Variants in USH2A observed in about 807,000 individuals in gnomAD.
USH2A encodes usherin.
In USH2A, 443 loss-of-function variants were observed where a neutral mutation model predicts 538.9. The ratio of observed to expected loss-of-function variants is 0.82; its 90% confidence interval spans 0.76 to 0.89. USH2A has a LOEUF of 0.89. Among genes scored for constraint, USH2A ranks in the 40% least tolerant of loss-of-function variants. USH2A has a pLI of 0.00. For synonymous variants in USH2A, 2,413 were observed against 2,273.5 expected, an observed-to-expected ratio of 1.06 and a Z score of -1.75; for missense variants, 6,633 against 6,324.8, an observed-to-expected ratio of 1.05 and a Z score of -1.65.
chr1:215,737,918 CAGAA>C (rs1241815491), intron 60 of USH2A, among the ~76,000 whole-genome samples: 2 of 151,984 alleles, frequency 1.3e-5, no homozygotes, highest in African/African-American at 4.8e-5. Context: ...ACTAAATACT[CAGAA>C]GGAAGTGCCA....
At chr1:216,385,128 C>T (rs555597999) in intron 3 of USH2A, among the ~76,000 whole-genome samples, 17 of 152,230 alleles carry the variant, frequency 1.1e-4, no homozygotes, top group African/African-American at 3.6e-4. Context: ...AGGTACACAA[C>T]AACTTAACAT....
At chr1:215,694,991 A>G (rs1014187011) in intron 61 of USH2A, among the ~76,000 whole-genome samples, 1 of 152,244 alleles carries the variant, frequency 6.6e-6, no homozygotes, top group African/African-American at 2.4e-5. Context: ...TGTAGTGGTA[A>G]TCCTAGGCAA....
At chr1:215,935,872 A>G (rs1666479590) in intron 37 of USH2A, among the ~76,000 whole-genome samples, 1 of 151,896 alleles carries the variant, frequency 6.6e-6, no homozygotes, top group South Asian at 2.1e-4. Context: ...CTCATCTCTA[A>G]AAACAAAAAA....
In USH2A at chr1:216,231,993, A is replaced by T; in HGVS notation, c.2953T>A (p.Cys985Ser). The T allele has an allele frequency of 1.2e-6, 2 of 1,614,054 alleles. No homozygotes were observed. Among genetic ancestry groups the T allele is most frequent in the Admixed American group, 1.7e-5 (1 of 60,014 alleles). ...TCAAATCCAAAGTAATGGTCTTTGC[A>T]TTGGTCACAACGTTGCCCAGCAATG... ...ASIAGQRCDQ[C>S]KDHYFGFDPQ... is the part of the protein sequence containing the mutation. The change falls in exon 14 of 72, where the codon TGC becomes AGC. Residue 985 changes from cysteine to serine, a missense_variant. Physicochemically the swap from Cys to Ser is moderately radical, Grantham distance 112. Transcript: ENST00000307340.
intron 68 of USH2A, 105 bp downstream of exon 68, chr1:215,640,453 A>G: frequency 1.2e-5 from 17 of 1,470,368 alleles, no homozygotes; most frequent in Non-Finnish European, 1.6e-5. Flanking sequence ...TTAAACCAAG[A>G]CATTTTAATG....
At chr1:215,714,958 C>A in intron 61 of USH2A, among the ~76,000 whole-genome samples, 1 of 152,100 alleles carries the variant, frequency 6.6e-6, no homozygotes, top group Non-Finnish European at 1.5e-5. Flanking sequence ...TATCATGCCC[C>A]AAATAGGGAT....
chr1:216,146,717 C>G (rs1263947226), intron 21 of USH2A, among the ~76,000 whole-genome samples: 3 of 152,058 alleles, frequency 2.0e-5, no homozygotes, highest in Non-Finnish European at 4.4e-5. Flanking sequence ...CCAACCCCCT[C>G]TCTGCTTTTC....
At chr1:216,167,941 A>G (rs192359322) in intron 21 of USH2A, among the ~76,000 whole-genome samples, 340 of 152,216 alleles carry the variant, frequency 2.2e-3, no homozygotes, top group African/African-American at 7.7e-3. Flanking sequence ...TTTGAAAGAG[A>G]TGGCATTTTG....
At chr1:215,977,702 G>A (rs374591115) in intron 35 of USH2A, among the ~76,000 whole-genome samples, 25 of 151,992 alleles carry the variant, frequency 1.6e-4, no homozygotes, top group African/African-American at 5.3e-4. Flanking sequence ...CAGTAGAGAC[G>A]GGATTTCACT....
chr1:216,403,936 C>T (rs1490824686), intron 3 of USH2A, among the ~76,000 whole-genome samples: 1 of 152,108 alleles, frequency 6.6e-6, no homozygotes, highest in African/African-American at 2.4e-5. Context: ...CCTCACTCTT[C>T]TCTCTCCTGA....
rs1558341490 is a variant in USH2A at position 216,246,650 on chromosome 1, G to A, written c.2744C>T (p.Pro915Leu). Residue 915 changes from proline (P) to leucine (L), a missense_variant, in exon 13 of 72, where the codon CCA (proline) becomes CTA (leucine). Transcript: ENST00000307340. ...LGTLPGTICD[P>L]ISGQCLCVPN... Reference sequence around the variant, plus strand: ...CACACACAGGCACTGGCCACTGATTGGGTCACAAATGGTCCCAGGTAATGT... The same window carrying A: ...CACACACAGGCACTGGCCACTGATTAGGTCACAAATGGTCCCAGGTAATGT... 6.2e-7 allele frequency: 1 copy of A among 1,614,070 alleles called. No homozygotes were observed. The highest frequency in any genetic ancestry group is 8.5e-7 in the Non-Finnish European group (1 of 1,179,976).
intron 38 of USH2A, among the ~76,000 whole-genome samples, chr1:215,929,850 C>T (rs1666320627): frequency 6.6e-6 from 1 of 151,862 alleles, no homozygotes; most frequent in Admixed American, 6.6e-5. Flanking sequence ...TATGCTTTTG[C>T]GATGTGCCTA....
intron 21 of USH2A, among the ~76,000 whole-genome samples, chr1:216,161,693 C>T (rs896309191): frequency 6.6e-6 from 1 of 151,856 alleles, no homozygotes; most frequent in African/African-American, 2.4e-5. Flanking sequence ...TTTTATAATG[C>T]CAGTCTTTTG....
chr1:216,293,332 T>C (rs866399163), intron 9 of USH2A, among the ~76,000 whole-genome samples: 14 of 152,260 alleles, frequency 9.2e-5, no homozygotes, highest in Middle Eastern at 6.8e-3. Context: ...CCACTTCTTT[T>C]CTATGCCTTG....
chr1:216,021,874 G>C (rs1399837790), intron 32 of USH2A, among the ~76,000 whole-genome samples: 1 of 152,130 alleles, frequency 6.6e-6, no homozygotes, highest in Admixed American at 6.6e-5. Flanking sequence ...GTTGCAATTT[G>C]ATCCCCAACA....
chr1:215,867,824 G>C (rs1304411460), intron 43 of USH2A, among the ~76,000 whole-genome samples: 1 of 152,212 alleles, frequency 6.6e-6, no homozygotes, highest in Non-Finnish European at 1.5e-5. Flanking sequence ...GGCAAAAACT[G>C]ACATGCTGAT....
intron 64 of USH2A, 40 bp downstream of exon 64, chr1:215,670,932 A>G: frequency 6.2e-7 from 1 of 1,606,922 alleles, no homozygotes. Context: ...TGACGGGTGC[A>G]AACAATCAGC....
Position 216,088,972 on chromosome 1 carries a change from C to A in USH2A, c.4885+41G>T, listed in dbSNP as rs759329533. 1.9e-6 allele frequency: 3 copies of A among 1,611,510 alleles called. No individual in the cohort carries two copies. In the South Asian group the frequency reaches 3.3e-5, roughly 18 times the overall value. ...CAACAGAAAAGTATGGCAACACCAA[C>A]ATATCAACAGGGCTATTTATACATA... On this transcript the variant is annotated intron_variant, in intron 23 of 71. Coordinates refer to ENST00000307340, the MANE Select transcript of USH2A (RefSeq NM_206933.4).
At chr1:215,962,150 A>G (rs1571849637) in intron 37 of USH2A, among the ~76,000 whole-genome samples, 1 of 152,182 alleles carries the variant, frequency 6.6e-6, no homozygotes, top group East Asian at 1.9e-4. Context: ...GGCAAAGATA[A>G]GTCTGACAAC....
Sources: allele counts gnomAD v4.1 joint callset (sites outside exome capture counted in the v4.1 genomes callset), GRCh38; gene constraint gnomAD v4.1.1; transcripts MANE v1.5; gene names NCBI Gene and HGNC (gene_info 2026-07-23, HGNC 2026-07-21).